Variants in DMXL2 observed in about 807,000 individuals in gnomAD.
DMXL2 encodes Dmx like 2.
DMXL2 carries 103 observed loss-of-function variants against 331.1 expected under a neutral mutation model. The observed-to-expected ratio is 0.31, with a 90% CI of 0.27 to 0.37. The LOEUF (loss-of-function observed/expected upper bound fraction) is 0.37, where lower values mean the gene tolerates loss of function less well. Among genes scored for constraint, DMXL2 ranks in the 10% least tolerant of loss-of-function variants. DMXL2 has a pLI of 1.00. For synonymous variants in DMXL2, 1,281 were observed against 1,252.1 expected (o/e 1.02, Z -0.49); for missense variants, 3,171 against 3,642.9 (o/e 0.87, Z 3.33).
intron 2 of DMXL2, among the ~76,000 whole-genome samples, chr15:51,574,563 T>TA (rs1186222410): frequency 6.6e-6 from 1 of 152,298 alleles, no homozygotes; most frequent in South Asian, 2.1e-4. Context: ...AAATGACACT[T>TA]ACGCAAAAAG....
At chr15:51,459,545 T>C in intron 34 of DMXL2, 53 bp downstream of exon 34, 3 of 1,278,814 alleles carry the variant, frequency 2.3e-6, no homozygotes, top group Non-Finnish European at 3.1e-6. Flanking sequence ...AGATGAGGCG[T>C]TAGCTCCTTG....
chr15:51,486,461 A>G (rs2042402829), intron 22 of DMXL2, 124 bp from the exon 23 acceptor site: 1 of 752,348 alleles, frequency 1.3e-6, no homozygotes. Context: ...GGGACAGTGA[A>G]GGGTAGTTAA....
rs561681943 is a variant in DMXL2, at chr15:51,579,150, T to C, written c.88-2969A>G. On this transcript the variant is annotated intron_variant, in intron 1 of 43. Transcript: ENST00000560891. ...AAGTTTAAAGACCACTGGTTTAGAA[T>C]GGTCTCAAACCCCCTACCAAACTAG... is the stretch of plus-strand genomic sequence containing the variant. 2.0e-5 allele frequency among the ~76,000 whole-genome samples: 3 copies of C among 152,270 alleles called. No homozygotes were observed. In the South Asian group the frequency reaches 6.2e-4, roughly 32 times the overall value.
intron 1 of DMXL2, among the ~76,000 whole-genome samples, chr15:51,607,632 G>C (rs1449160529): frequency 6.6e-6 from 1 of 152,112 alleles, no homozygotes; most frequent in Non-Finnish European, 1.5e-5. Flanking sequence ...TTAATTTACA[G>C]ATTTGAAAAC....
chr15:51,465,026 C>T, intron 31 of DMXL2, 150 bp from the exon 32 acceptor site: 2 of 733,786 alleles, frequency 2.7e-6, no homozygotes, highest in Non-Finnish European at 4.3e-6. Flanking sequence ...ATTCTTAATG[C>T]TTTCAACAAA....
chr15:51,488,092 T>C lies in DMXL2; in HGVS notation c.5079A>G (p.Thr1693=). Reference sequence around the variant, plus strand: ...CTTCATTAAAGTTGTGGCTGAAAAATGTTGTCATTTTTTCATCATGCTGTG... The same window carrying C: ...CTTCATTAAAGTTGTGGCTGAAAAACGTTGTCATTTTTTCATCATGCTGTG... ...FRSQHDEKMT[T]FFSHNFNEDR... is the part of the protein sequence containing the mutation. The change falls in exon 22 of 44, where the codon ACA becomes ACG. Residue 1693 remains threonine (T), a synonymous_variant. Coordinates refer to ENST00000560891, the MANE Select transcript of DMXL2 (RefSeq NM_001378457.1). 1 of 1,609,148 alleles carries C rather than the reference T, an allele frequency of 6.2e-7. No individual in the cohort carries two copies. The highest frequency in any genetic ancestry group is 1.1e-5 in the South Asian group (1 of 89,818).
At chr15:51,547,583 T>C (rs935845739) in intron 6 of DMXL2, among the ~76,000 whole-genome samples, 175 bp from the exon 7 acceptor site, 35 of 152,240 alleles carry the variant, frequency 2.3e-4, no homozygotes, top group Non-Finnish European at 1.3e-4. Context: ...TCTTGAAAAA[T>C]AAATGAACAG....
intron 1 of DMXL2, among the ~76,000 whole-genome samples, chr15:51,600,627 A>T (rs751127285): frequency 6.6e-6 from 1 of 152,128 alleles, no homozygotes; most frequent in Admixed American, 6.5e-5. Context: ...TTGTTTTACC[A>T]TCTCCTCTGT....
chr15:51,529,748 C>T (rs1366359768), intron 13 of DMXL2, among the ~76,000 whole-genome samples: 1 of 152,100 alleles, frequency 6.6e-6, no homozygotes, highest in African/African-American at 2.4e-5. Flanking sequence ...TACTTTCAAA[C>T]TCATTCTATG....
At chr15:51,541,024 GT>G (rs2048565727) in intron 9 of DMXL2, among the ~76,000 whole-genome samples, 1 of 152,090 alleles carries the variant, frequency 6.6e-6, no homozygotes, top group Non-Finnish European at 1.5e-5. Flanking sequence ...ATTGCATTTT[GT>G]TTTGAAGTTG....
At chr15:51,529,203 T>C (rs960688119) in intron 13 of DMXL2, among the ~76,000 whole-genome samples, 3 of 151,614 alleles carry the variant, frequency 2.0e-5, no homozygotes, top group Admixed American at 6.6e-5. Flanking sequence ...CTTAAAGAAC[T>C]AGAAAAGCAA....
At chr15:51,450,473 T>C (rs2039038060) in intron 42 of DMXL2, 127 bp from the exon 43 acceptor site, 6 of 899,612 alleles carry the variant, frequency 6.7e-6, no homozygotes, top group Non-Finnish European at 1.0e-5. Flanking sequence ...ATTTATTGTT[T>C]TGTAAGTCAT....
intron 13 of DMXL2, among the ~76,000 whole-genome samples, chr15:51,528,945 A>T (rs1340654859): frequency 6.6e-6 from 1 of 152,202 alleles, no homozygotes; most frequent in Non-Finnish European, 1.5e-5. Flanking sequence ...CTAGAAATCA[A>T]TAACAAGGAA....
chr15:51,589,883 C>T (rs1902593), intron 1 of DMXL2, among the ~76,000 whole-genome samples: 72,601 of 151,962 alleles, frequency 0.48, 17,709 homozygotes, highest in Non-Finnish European at 0.52. Flanking sequence ...TCCAGACATG[C>T]AAACAAAGAT....
At chr15:51,549,313 T>G (rs956946234) in intron 6 of DMXL2, among the ~76,000 whole-genome samples, 5 of 125,720 alleles carry the variant, frequency 4.0e-5, no homozygotes, top group African/African-American at 1.5e-4. Context: ...CTGAATAGCA[T>G]TCCATGGTGT....
At chr15:51,560,810 T>C (rs2049917233) in intron 6 of DMXL2, among the ~76,000 whole-genome samples, 1 of 151,852 alleles carries the variant, frequency 6.6e-6, no homozygotes, top group Admixed American at 6.6e-5. Flanking sequence ...AAAATCAGGA[T>C]TCTGGTTGCC....
chr15:51,620,878 C>T (rs886519442), intron 1 of DMXL2, among the ~76,000 whole-genome samples: 8 of 152,198 alleles, frequency 5.3e-5, no homozygotes, highest in Non-Finnish European at 2.9e-5. Flanking sequence ...CTTTTCCAGG[C>T]TGCATCTGAA....
At chr15:51,571,096 C>T (rs925780569) in intron 2 of DMXL2, among the ~76,000 whole-genome samples, 1 of 151,896 alleles carries the variant, frequency 6.6e-6, no homozygotes, top group African/African-American at 2.4e-5. Context: ...GGAAGATTTA[C>T]CAAGAAAATG....
At chr15:51,554,433 T>C (rs998656282) in intron 6 of DMXL2, among the ~76,000 whole-genome samples, 4 of 152,156 alleles carry the variant, frequency 2.6e-5, no homozygotes, top group Admixed American at 6.5e-5. Flanking sequence ...ATGAATTACG[T>C]AAAATAAAAT....
Sources: gnomAD v4.1 joint callset for allele counts (sites outside exome capture counted in the v4.1 genomes callset) on GRCh38, gnomAD v4.1.1 for gene constraint, MANE v1.5 for transcripts, NCBI Gene and HGNC (gene_info 2026-07-23, HGNC 2026-07-21) for gene names.